The following RANBP2 variants were observed in gnomAD, a reference collection of about 807,000 sequenced individuals.
The protein encoded by RANBP2 is RAN binding protein 2.
Under a neutral mutation model 303.6 loss-of-function variants are expected in RANBP2, and 57 were observed. The ratio of observed to expected loss-of-function variants is 0.19; its 90% CI spans 0.15 to 0.23. The LOEUF (loss-of-function observed/expected upper bound fraction) is 0.23, where lower values mean the gene tolerates loss of function less well. Among genes scored for constraint, RANBP2 ranks in the 10% least tolerant of loss-of-function variants. The pLI, the probability that RANBP2 is intolerant of heterozygous loss-of-function variation, is 1.00. For missense variants in RANBP2, 3,138 were observed against 3,780.8 expected (o/e 0.83, Z 4.46); for synonymous variants, 1,167 against 1,301.5 (o/e 0.90, Z 2.23).
At chr2:109,291,605 G>T in the RANBP2 span, among the ~76,000 whole-genome samples, 1 of 152,232 alleles carries the variant, frequency 6.6e-6, no homozygotes, top group Non-Finnish European at 1.5e-5. Context: ...AGCCCAGGCA[G>T]CTCCTCGTGG....
At chr2:109,561,036 A>T in the RANBP2 span, among the ~76,000 whole-genome samples, 4 of 152,192 alleles carry the variant, frequency 2.6e-5, 1 homozygote, top group African/African-American at 9.6e-5. Context: ...TTAAAATGCA[A>T]ATATTATATT....
chr2:108,856,989 T>C, the RANBP2 span: 1 of 1,445,474 alleles, frequency 6.9e-7, no homozygotes, highest in Non-Finnish European at 9.5e-7. Flanking sequence ...TTAAGTTCTA[T>C]ATGTGTAAAG....
At chr2:109,423,861 C>G in the RANBP2 span, among the ~76,000 whole-genome samples, 1 of 152,192 alleles carries the variant, frequency 6.6e-6, no homozygotes, top group African/African-American at 2.4e-5. Flanking sequence ...CCCCTGCCGC[C>G]TGCACCTCTA....
chr2:109,222,282 C>T, the RANBP2 span, among the ~76,000 whole-genome samples: 256 of 152,282 alleles, frequency 1.7e-3, no homozygotes, highest in African/African-American at 5.0e-3. Context: ...TTTGATAGTA[C>T]AGCAGGGTGA....
At chr2:109,022,248 G>A in the RANBP2 span, among the ~76,000 whole-genome samples, 1 of 152,142 alleles carries the variant, frequency 6.6e-6, no homozygotes, top group East Asian at 1.9e-4. Context: ...GGCTGGGAAC[G>A]CCAATACTAA....
chr2:109,029,911 G>T, the RANBP2 span, among the ~76,000 whole-genome samples: 30 of 152,346 alleles, frequency 2.0e-4, no homozygotes, highest in African/African-American at 6.7e-4. Flanking sequence ...TTATTTTAAA[G>T]AAATACTATA....
chr2:109,610,795 C>G, the RANBP2 span, among the ~76,000 whole-genome samples: 1 of 152,136 alleles, frequency 6.6e-6, no homozygotes, highest in African/African-American at 2.4e-5. Context: ...TCAATTCTCC[C>G]TAAATCGATA....
chr2:109,577,573 C>CA, the RANBP2 span, among the ~76,000 whole-genome samples: 1 of 146,918 alleles, frequency 6.8e-6, no homozygotes, highest in Non-Finnish European at 1.5e-5. Flanking sequence ...GCCTCAGTGA[C>CA]AGAGTGAGAC....
chr2:109,285,335 G>A, the RANBP2 span, among the ~76,000 whole-genome samples: 1 of 152,188 alleles, frequency 6.6e-6, no homozygotes, highest in African/African-American at 2.4e-5. Context: ...TTCATGGTGG[G>A]GTTAAGCCAG....
chr2:109,432,883 A>G, the RANBP2 span, among the ~76,000 whole-genome samples: 4 of 152,368 alleles, frequency 2.6e-5, no homozygotes, highest in Admixed American at 1.3e-4. Flanking sequence ...TCCTCAGCAG[A>G]CATTGGCCAC....
At position 108,761,652 on chromosome 2, in the gene RANBP2, C is replaced by T. The variant is rs185322796; in HGVS notation, c.2603-449C>T. On this transcript the variant is annotated intron_variant, in intron 18 of 28. Coordinates refer to ENST00000283195, the MANE Select transcript of RANBP2 (RefSeq NM_006267.5). ...AGGTGATTTTTGAGCTGAACATTCT[C>T]AGTAATAGCTTTAGTTTACAAAATA... is the stretch of plus-strand genomic sequence containing the variant. 4.5e-3 allele frequency among the ~76,000 whole-genome samples: 683 copies of T among 152,138 alleles called. 4 individuals carry two copies. The highest frequency in any genetic ancestry group is 0.016 in the African/African-American group (652 of 41,520).
At chr2:109,653,339 G>A in the RANBP2 span, among the ~76,000 whole-genome samples, 1 of 151,522 alleles carries the variant, frequency 6.6e-6, no homozygotes, top group East Asian at 1.9e-4. Context: ...AGTTTGGAGT[G>A]AGCCGAGTTC....
the RANBP2 span, among the ~76,000 whole-genome samples, chr2:109,384,823 C>T: frequency 1.3e-5 from 2 of 152,180 alleles, no homozygotes; most frequent in Admixed American, 6.5e-5. Flanking sequence ...GGCAGAAGGC[C>T]TCAGGGTAAC....
At chr2:109,561,128 C>T in the RANBP2 span, among the ~76,000 whole-genome samples, 1 of 152,308 alleles carries the variant, frequency 6.6e-6, no homozygotes, top group South Asian at 2.1e-4. Context: ...CCTGCCTGTT[C>T]TCTTCTCTCA....
At chr2:108,936,375 G>A in the RANBP2 span, among the ~76,000 whole-genome samples, 1 of 152,252 alleles carries the variant, frequency 6.6e-6, no homozygotes, top group African/African-American at 2.4e-5. Flanking sequence ...GGAGGGGAGA[G>A]GCTGTGGCTG....
At chr2:109,493,315 ACGTACAC>A in the RANBP2 span, among the ~76,000 whole-genome samples, 1 of 149,738 alleles carries the variant, frequency 6.7e-6, no homozygotes, top group Non-Finnish European at 1.5e-5. Context: ...ATGCAAATAT[ACGTACAC>A]CATACAAACA....
chr2:109,455,345 A>C, the RANBP2 span, among the ~76,000 whole-genome samples: 1 of 152,172 alleles, frequency 6.6e-6, no homozygotes, highest in African/African-American at 2.4e-5. Context: ...TGAATCACTT[A>C]CCAGTCCATG....
chr2:109,082,098 C>T, the RANBP2 span, among the ~76,000 whole-genome samples: 1 of 152,178 alleles, frequency 6.6e-6, no homozygotes, highest in Non-Finnish European at 1.5e-5. Flanking sequence ...CATGCTTCAG[C>T]TGCCTCCAGA....
chr2:108,770,248 A>G (rs1045786222), intron 20 of RANBP2, among the ~76,000 whole-genome samples: 1 of 152,204 alleles, frequency 6.6e-6, no homozygotes, highest in Non-Finnish European at 1.5e-5. Context: ...AAGAGAGGCT[A>G]TCTGATTTAC....
Sources: allele counts gnomAD v4.1 joint callset (sites outside exome capture counted in the v4.1 genomes callset), GRCh38; gene constraint gnomAD v4.1.1; transcripts MANE v1.5; gene names NCBI Gene and HGNC (gene_info 2026-07-23, HGNC 2026-07-21).